Variants in CNTNAP2 observed in about 807,000 individuals in gnomAD.
CNTNAP2 encodes the protein contactin-associated protein-like 2.
CNTNAP2 carries 98 observed loss-of-function variants against 155.2 expected under a neutral mutation model. The observed-to-expected ratio is 0.63, with a 90% CI of 0.54 to 0.75. The LOEUF (loss-of-function observed/expected upper bound fraction) is 0.75. Ranked by LOEUF, CNTNAP2 falls within the 30% of genes least tolerant of loss-of-function variation. CNTNAP2 has a pLI of 0.00. For synonymous variants in CNTNAP2, 651 were observed against 631.2 expected, an observed-to-expected ratio of 1.03 and a Z score of -0.47; for missense variants, 1,727 against 1,688.1, an observed-to-expected ratio of 1.02 and a Z score of -0.40.
chr7:147,874,664 T>C (rs1799392932), intron 13 of CNTNAP2, among the ~76,000 whole-genome samples: 1 of 152,252 alleles, frequency 6.6e-6, no homozygotes, highest in Admixed American at 6.5e-5. Context: ...TGTCTTGGTG[T>C]TTAACATTCA....
At chr7:147,517,601 T>C (rs1451848356) in intron 11 of CNTNAP2, among the ~76,000 whole-genome samples, 2 of 152,206 alleles carry the variant, frequency 1.3e-5, no homozygotes, top group African/African-American at 4.8e-5. Context: ...TAGAAAGCTA[T>C]GATAAACAAG....
intron 3 of CNTNAP2, among the ~76,000 whole-genome samples, chr7:146,928,385 G>T (rs1291673491): frequency 6.6e-6 from 1 of 152,074 alleles, no homozygotes; most frequent in African/African-American, 2.4e-5. Flanking sequence ...TTTAATGTTG[G>T]TCGTTCTGGG....
At chr7:148,105,935 AT>A (rs1804205458) in intron 15 of CNTNAP2, among the ~76,000 whole-genome samples, 1 of 152,206 alleles carries the variant, frequency 6.6e-6, no homozygotes, top group Non-Finnish European at 1.5e-5. Flanking sequence ...TCAAGGATGA[AT>A]TTGAGATGAG....
At chr7:146,805,272 C>G (rs936599568) in intron 2 of CNTNAP2, among the ~76,000 whole-genome samples, 15 of 152,218 alleles carry the variant, frequency 9.9e-5, no homozygotes, top group African/African-American at 1.9e-4. Context: ...AATTCTGAAC[C>G]CTCAAGATGA....
chr7:147,875,306 A>G (rs1799404390), intron 13 of CNTNAP2, among the ~76,000 whole-genome samples: 1 of 152,178 alleles, frequency 6.6e-6, no homozygotes, highest in African/African-American at 2.4e-5. Context: ...ATCACAGTGG[A>G]AGGGAAAGGA....
intron 16 of CNTNAP2, among the ~76,000 whole-genome samples, chr7:148,135,358 A>T (rs1804915092): frequency 6.6e-6 from 1 of 152,188 alleles, no homozygotes; most frequent in South Asian, 2.1e-4. Context: ...ATTCCATTTA[A>T]CCCACAGTCC....
intron 3 of CNTNAP2, among the ~76,000 whole-genome samples, chr7:146,967,143 A>T (rs1262551750): frequency 6.6e-6 from 1 of 152,192 alleles, no homozygotes; most frequent in East Asian, 1.9e-4. Flanking sequence ...TTTAATCTTC[A>T]TGATAGGCCT....
At chr7:148,290,701 C>A (rs567866509) in intron 21 of CNTNAP2, among the ~76,000 whole-genome samples, 4 of 152,148 alleles carry the variant, frequency 2.6e-5, no homozygotes, top group African/African-American at 4.8e-5. Flanking sequence ...CATTCCCTGT[C>A]GTAATTAGAC....
At chr7:146,510,394 A>G (rs1797448228) in intron 1 of CNTNAP2, among the ~76,000 whole-genome samples, 1 of 152,192 alleles carries the variant, frequency 6.6e-6, no homozygotes, top group Admixed American at 6.6e-5. Flanking sequence ...AGGGCTTTGT[A>G]GTATACTTTG....
At chr7:146,460,615 C>T (rs1013757992) in intron 1 of CNTNAP2, among the ~76,000 whole-genome samples, 1 of 152,030 alleles carries the variant, frequency 6.6e-6, no homozygotes, top group African/African-American at 2.4e-5. Context: ...GAATATACTA[C>T]AATATGCAAT....
At chr7:146,738,412 A>G (rs1801655991) in intron 1 of CNTNAP2, among the ~76,000 whole-genome samples, 2 of 151,900 alleles carry the variant, frequency 1.3e-5, no homozygotes, top group Admixed American at 1.3e-4. Context: ...TTGAATGTTA[A>G]CCTTTTATCA....
At chr7:148,073,016 G>A (rs1369617807) in intron 15 of CNTNAP2, among the ~76,000 whole-genome samples, 2 of 151,960 alleles carry the variant, frequency 1.3e-5, no homozygotes, top group African/African-American at 2.4e-5. Context: ...CCTGTCTTTT[G>A]TATTTTAAGA....
intron 3 of CNTNAP2, among the ~76,000 whole-genome samples, chr7:146,961,715 G>T (rs1413892832): frequency 6.6e-6 from 1 of 152,134 alleles, no homozygotes; most frequent in South Asian, 2.1e-4. Flanking sequence ...TTGCAATGCT[G>T]AGCACAGCCA....
intron 1 of CNTNAP2, among the ~76,000 whole-genome samples, chr7:146,404,891 A>G (rs1466517196): frequency 6.6e-6 from 1 of 152,112 alleles, no homozygotes; most frequent in Admixed American, 6.5e-5. Flanking sequence ...CCTCCGTTCC[A>G]CATTAGTTCC....
chr7:146,160,999 C>T lies in CNTNAP2; in HGVS notation c.97+44026C>T, dbSNP rs561692611. Among the ~76,000 whole-genome samples the T allele has an allele frequency of 2.4e-3, 367 of 152,308 alleles. 1 individual carries two copies. Among genetic ancestry groups the T allele is most frequent in the South Asian group, 8.9e-3 (43 of 4,822 alleles). On this transcript the variant is annotated intron_variant, in intron 1 of 23. Transcript: ENST00000361727. ...TCCAGCAGCACATCAAAAAGCTTAT[C>T]CACCAGGATCAAGTTGGCTTCATCC... is the stretch of plus-strand genomic sequence containing the variant.
chr7:147,490,388 C>T (rs1798585284), intron 11 of CNTNAP2, among the ~76,000 whole-genome samples: 4 of 152,114 alleles, frequency 2.6e-5, no homozygotes, highest in Admixed American at 2.6e-4. Context: ...GGAGCATTTC[C>T]TCTGGGTTCA....
chr7:147,694,464 A>G (rs999683737), intron 13 of CNTNAP2, among the ~76,000 whole-genome samples: 1 of 152,118 alleles, frequency 6.6e-6, no homozygotes, highest in Non-Finnish European at 1.5e-5. Flanking sequence ...CAATAAGTTG[A>G]TCTGGGCCTG....
intron 4 of CNTNAP2, among the ~76,000 whole-genome samples, chr7:147,058,947 C>A (rs531069304): frequency 1.3e-5 from 2 of 152,254 alleles, no homozygotes; most frequent in Admixed American, 1.3e-4. Context: ...ACGATGCAGG[C>A]CTGATTGTGT....
At chr7:147,753,315 T>C (rs1797168084) in intron 13 of CNTNAP2, among the ~76,000 whole-genome samples, 1 of 152,148 alleles carries the variant, frequency 6.6e-6, no homozygotes, top group South Asian at 2.1e-4. Context: ...AGCGCCTAAT[T>C]CCCATGCAGC....
Sources: gnomAD v4.1 joint callset for allele counts (sites outside exome capture counted in the v4.1 genomes callset) on GRCh38, gnomAD v4.1.1 for gene constraint, MANE v1.5 for transcripts, NCBI Gene and HGNC (gene_info 2026-07-23, HGNC 2026-07-21) for gene names.